The following TSPAN18 variants were observed in gnomAD, a reference collection of about 807,000 sequenced individuals.
The protein encoded by TSPAN18 is tetraspanin-18.
TSPAN18 carries 14 observed loss-of-function variants against 27.3 expected under a neutral mutation model. The ratio of observed to expected loss-of-function variants is 0.51; its 90% CI spans 0.34 to 0.80. The LOEUF (loss-of-function observed/expected upper bound fraction) is 0.80, where lower values mean the gene tolerates loss of function less well. Ranked by LOEUF, TSPAN18 falls within the 30% of genes least tolerant of loss-of-function variation. The pLI, the probability that TSPAN18 is intolerant of heterozygous loss-of-function variation, is 0.01. For synonymous variants in TSPAN18, 143 were observed against 136.5 expected (o/e 1.05, Z -0.33); for missense variants, 268 against 323.9 (o/e 0.83, Z 1.32).
At chr11:44,898,156 T>C (rs1019885686) in intron 3 of TSPAN18, among the ~76,000 whole-genome samples, 4 of 152,212 alleles carry the variant, frequency 2.6e-5, no homozygotes, top group Non-Finnish European at 2.9e-5. Context: ...TGCATTCTAA[T>C]AAAGGCAGAT....
chr11:44,837,006 C>A (rs1032836591), intron 2 of TSPAN18, among the ~76,000 whole-genome samples: 2 of 152,190 alleles, frequency 1.3e-5, no homozygotes, highest in African/African-American at 4.8e-5. Flanking sequence ...TGTTTTCCTG[C>A]CTGCTAAGAC....
intron 2 of TSPAN18, among the ~76,000 whole-genome samples, chr11:44,820,769 C>T (rs894842802): frequency 7.3e-5 from 11 of 151,354 alleles, no homozygotes; most frequent in Admixed American, 2.0e-4. Context: ...TGAATGGTTT[C>T]GTGCCCTCCC....
At chr11:44,743,405 A>G (rs1854992712) in intron 1 of TSPAN18, among the ~76,000 whole-genome samples, 2 of 152,156 alleles carry the variant, frequency 1.3e-5, no homozygotes, top group Admixed American at 1.3e-4. Context: ...TAGGCTTAGG[A>G]CATCATGGAT....
intron 2 of TSPAN18, among the ~76,000 whole-genome samples, chr11:44,818,524 C>T (rs1160257880): frequency 2.6e-5 from 4 of 152,184 alleles, no homozygotes; most frequent in South Asian, 4.1e-4. Flanking sequence ...CAGCGTCCTG[C>T]ATTTGTCTGA....
At chr11:44,810,604 C>CTTTTTTTTT (rs34519569) in intron 2 of TSPAN18, among the ~76,000 whole-genome samples, 1 of 138,468 alleles carries the variant, frequency 7.2e-6, no homozygotes, top group African/African-American at 2.7e-5. Flanking sequence ...AATTTTTTTT[C>CTTTTTTTTT]TTTTTTTTTT....
upstream of TSPAN18, chr11:44,726,396 A>T (rs1187122208): frequency 2.0e-5 from 3 of 152,334 alleles, no homozygotes; most frequent in Non-Finnish European, 2.9e-5. Context: ...GGAGACACAG[A>T]TCTGGCCCCT....
intron 2 of TSPAN18, among the ~76,000 whole-genome samples, chr11:44,855,021 C>T (rs1039040070): frequency 3.3e-5 from 5 of 152,170 alleles, no homozygotes; most frequent in African/African-American, 1.2e-4. Context: ...AAATCAATAG[C>T]TTTTATTTTT....
chr11:44,778,667 C>T (rs1855869180), intron 2 of TSPAN18, among the ~76,000 whole-genome samples: 1 of 152,178 alleles, frequency 6.6e-6, no homozygotes, highest in Non-Finnish European at 1.5e-5. Context: ...TTAATACCCG[C>T]ATTTATTTAG....
intron 3 of TSPAN18, among the ~76,000 whole-genome samples, chr11:44,882,224 G>A (rs1021015217): frequency 2.0e-5 from 3 of 152,110 alleles, no homozygotes; most frequent in Admixed American, 6.5e-5. Flanking sequence ...CATCCATGTG[G>A]TCCCTGGGAA....
chr11:44,848,447 A>G (rs914888672), intron 2 of TSPAN18, among the ~76,000 whole-genome samples: 6 of 152,154 alleles, frequency 3.9e-5, no homozygotes, highest in Non-Finnish European at 7.3e-5. Flanking sequence ...CTGTCTCTCT[A>G]CTTCTTTCCC....
intron 2 of TSPAN18, among the ~76,000 whole-genome samples, chr11:44,843,665 G>A (rs934481400): frequency 2.0e-5 from 3 of 152,118 alleles, no homozygotes; most frequent in African/African-American, 7.2e-5. Flanking sequence ...ACAGGTACAC[G>A]CCGGGGGGGC....
intron 2 of TSPAN18, among the ~76,000 whole-genome samples, chr11:44,851,928 G>A (rs1413930107): frequency 6.6e-6 from 1 of 152,168 alleles, no homozygotes; most frequent in African/African-American, 2.4e-5. Context: ...CCCAGCCTCT[G>A]TCTTTTCAGC....
intron 2 of TSPAN18, among the ~76,000 whole-genome samples, chr11:44,808,110 T>G (rs1210827346): frequency 6.6e-6 from 1 of 152,216 alleles, no homozygotes; most frequent in Non-Finnish European, 1.5e-5. Context: ...TTTTTTTGTA[T>G]AAACCCCTAT....
intron 1 of TSPAN18, among the ~76,000 whole-genome samples, chr11:44,744,249 T>C (rs1855019201): frequency 6.6e-6 from 1 of 152,238 alleles, no homozygotes; most frequent in African/African-American, 2.4e-5. Flanking sequence ...CAATCTCAGT[T>C]GCTTTCGAGA....
chr11:44,862,837 G>GT (rs1245544958), intron 3 of TSPAN18, among the ~76,000 whole-genome samples: 1 of 152,216 alleles, frequency 6.6e-6, no homozygotes, highest in Non-Finnish European at 1.5e-5. Flanking sequence ...GAATGACTTG[G>GT]TTCTCAGCCT....
intron 1 of TSPAN18, among the ~76,000 whole-genome samples, chr11:44,759,533 C>T (rs895528557): frequency 1.3e-5 from 2 of 152,214 alleles, no homozygotes; most frequent in Admixed American, 1.3e-4. Context: ...ATTCATTTAA[C>T]TCATTGTTTT....
At position 44,919,855 on chromosome 11, in the gene TSPAN18, G is replaced by A. The variant is rs1860058888; in HGVS notation, c.471G>A (p.Lys157=). Residue 157 remains lysine, a synonymous_variant, in exon 8 of 10, where the codon AAG becomes AAA. Transcript: ENST00000520358. Reference sequence around the variant, plus strand: ...GGGTCAACGGGCCTGAAGACTTTAAGTTTGCATCTGTGTTTCGACTCCTGA... The same window carrying A: ...GGGTCAACGGGCCTGAAGACTTTAAATTTGCATCTGTGTTTCGACTCCTGA... ...CCGVNGPEDF[K]FASVFRLLTL... is the part of the protein sequence containing the mutation. 1 of 1,614,078 alleles carries A rather than the reference G, an allele frequency of 6.2e-7. No individual in the cohort carries two copies. Among genetic ancestry groups the A allele is most frequent in the Non-Finnish European group, 8.5e-7 (1 of 1,180,026 alleles).
chr11:44,891,429 C>T lies in TSPAN18; in HGVS notation c.-10-14978C>T, dbSNP rs188376611. Among the ~76,000 whole-genome samples the T allele has an allele frequency of 1.8e-4, 28 of 152,302 alleles. No homozygotes were observed. In the East Asian group the frequency reaches 4.8e-3, roughly 26 times the overall value. ...ATTACAGGTCAGCGGAGAGTGGACA[C>T]ACCCTCTAGATTCTTGTAAGGACCT... is the stretch of plus-strand genomic sequence containing the variant. On this transcript the variant is annotated intron_variant, in intron 3 of 9. Coordinates refer to ENST00000520358, the MANE Select transcript of TSPAN18 (RefSeq NM_130783.5).
intron 8 of TSPAN18, among the ~76,000 whole-genome samples, chr11:44,922,025 C>T (rs1404084935): frequency 1.3e-5 from 2 of 152,212 alleles, no homozygotes; most frequent in Non-Finnish European, 2.9e-5. Context: ...CATGTCCCTC[C>T]TAGGCATTTC....
Sources: gnomAD v4.1 joint callset for allele counts (sites outside exome capture counted in the v4.1 genomes callset) on GRCh38, gnomAD v4.1.1 for gene constraint, MANE v1.5 for transcripts, NCBI Gene and HGNC (gene_info 2026-07-23, HGNC 2026-07-21) for gene names.